Variants in HMGXB3 observed in about 807,000 individuals in gnomAD.
HMGXB3 encodes the protein HMG-box containing 3, also known as HMG domain-containing protein 3.
A neutral mutation model predicts 121.5 loss-of-function variants in HMGXB3; 45 were observed. That is an observed-to-expected ratio of 0.37 (90% confidence interval 0.29 to 0.47). The LOEUF is 0.47. HMGXB3 is among the 20% of genes least tolerant of loss of function. The probability of loss-of-function intolerance (pLI) is 0.99; values close to 1 mark genes in which losing one functional copy is unlikely to be tolerated. For synonymous variants in HMGXB3, 590 were observed against 624.1 expected, an observed-to-expected ratio of 0.95 and a Z score of 0.81; for missense variants, 1,376 against 1,602.2, an observed-to-expected ratio of 0.86 and a Z score of 2.41.
At chr5:150,026,988 T>G in intron 8 of HMGXB3, 32 bp from the exon 9 acceptor site, 2 of 1,547,552 alleles carry the variant, frequency 1.3e-6, no homozygotes, top group Non-Finnish European at 1.7e-6. Flanking sequence ...TGAATGCACT[T>G]AAGTCACCAG....
rs1290525316 is a variant in HMGXB3, at chr5:150,045,996, T to C, written c.2950+311T>C. Among the ~76,000 whole-genome samples the C allele has an allele frequency of 1.1e-4, 16 of 152,186 alleles. No individual in the cohort carries two copies. The South Asian group carries it at 1.2e-3, about 12-fold the overall frequency. On this transcript the variant is annotated intron_variant, in intron 16 of 19. Transcript: ENST00000502717. ...AAGGCTCCATCCCCAAAGGTTTTCA[T>C]TGAGCAAGTGTAGGGGCAGGCCAAG...
intron 6 of HMGXB3, among the ~76,000 whole-genome samples, chr5:150,020,472 G>A (rs1156987252): frequency 6.6e-6 from 1 of 152,226 alleles, no homozygotes; most frequent in African/African-American, 2.4e-5. Flanking sequence ...ATGAAAGACT[G>A]TCAGTGATCA....
chr5:150,041,935 G>A lies in HMGXB3; in HGVS notation c.2696G>A (p.Ser899Asn), dbSNP rs1320702913. The A allele has an allele frequency of 6.4e-7, 1 of 1,551,704 alleles. No individual in the cohort carries two copies. The change falls in exon 15 of 20, where the codon AGT (serine) becomes AAT (asparagine). Residue 899 changes from serine to asparagine, a missense_variant. Coordinates refer to ENST00000502717, the MANE Select transcript of HMGXB3 (RefSeq NM_014983.3). ...CCCAAAGTGGAAATGGCTCAGAGGA[G>A]TGAAGAGAATGTGCTAGCACTGAAG... ...VAPKVEMAQR[S>N]EENVLALKSV...
chr5:150,047,581 A>T, intron 16 of HMGXB3, 43 bp from the exon 17 acceptor site: 1 of 1,549,748 alleles, frequency 6.5e-7, no homozygotes. Flanking sequence ...GCCTCTGGTG[A>T]CTGGCGGCAG....
At chr5:150,035,065 A>G (rs1268846901) in intron 11 of HMGXB3, among the ~76,000 whole-genome samples, 3 of 152,244 alleles carry the variant, frequency 2.0e-5, no homozygotes, top group South Asian at 4.1e-4. Flanking sequence ...GTGGGAGAGA[A>G]AGATAACCAA....
At chr5:150,013,622 T>C (rs1167436195) in intron 5 of HMGXB3, among the ~76,000 whole-genome samples, 1 of 152,204 alleles carries the variant, frequency 6.6e-6, no homozygotes, top group Non-Finnish European at 1.5e-5. Flanking sequence ...GTATTACCAG[T>C]GAAGTCATCT....
In HMGXB3 at chr5:150,036,887, G is replaced by A. The variant is rs77314173; in HGVS notation, c.2235G>A (p.Pro745=). The A allele has an allele frequency of 2.1e-3, 3,264 of 1,551,654 alleles. 58 individuals carry two copies. The South Asian group carries it at 0.033, about 16-fold the overall frequency. ...CTTGGTCGAATTATTATGAGTCTCCGTCCACGCAGTGCCTTCTCTGTAGCA... is the reference window on the plus strand; with the variant it reads ...CTTGGTCGAATTATTATGAGTCTCCATCCACGCAGTGCCTTCTCTGTAGCA... ...QTSWSNYYES[P]STQCLLCSSP... The change falls in exon 12 of 20, where the codon CCG becomes CCA. Residue 745 remains proline, a synonymous_variant. Transcript: ENST00000502717.
chr5:150,026,593 C>A, intron 7 of HMGXB3, 113 bp from the exon 8 acceptor site: 1 of 873,548 alleles, frequency 1.1e-6, no homozygotes, highest in Non-Finnish European at 1.7e-6. Flanking sequence ...CTGTCTAAAG[C>A]TTGACAGTTT....
chr5:150,047,538 T>A (rs1323932138), intron 16 of HMGXB3, 86 bp from the exon 17 acceptor site: 1 of 1,495,908 alleles, frequency 6.7e-7, no homozygotes, highest in Non-Finnish European at 9.0e-7. Context: ...AGAGCTGGCT[T>A]CCACTGTTTG....
At chr5:150,051,183 C>G (rs985106347) in intron 19 of HMGXB3, among the ~76,000 whole-genome samples, 1 of 152,170 alleles carries the variant, frequency 6.6e-6, no homozygotes, top group Non-Finnish European at 1.5e-5. Context: ...GTATATTGTA[C>G]CAGACAGTAT....
chr5:150,041,649 G>T (rs1372830557), intron 14 of HMGXB3, 136 bp from the exon 15 acceptor site: 3 of 660,860 alleles, frequency 4.5e-6, no homozygotes, highest in Non-Finnish European at 7.7e-6. Context: ...TGACCCTCAG[G>T]GTAGGTAGTA....
At position 150,053,019 on chromosome 5, in the gene HMGXB3, C is replaced by G. The variant is rs1258224561; in HGVS notation, c.*827C>G. 6.0e-6 allele frequency: 1 copy of G among 165,744 alleles called. No homozygotes were observed. Among genetic ancestry groups the G allele is most frequent in the African/African-American group, 2.4e-5 (1 of 41,766 alleles). The allele number at this position is 165,744 out of a possible 1,614,324, so 10.3% of individuals were successfully genotyped here. A position where few individuals can be genotyped will look rare whatever the true frequency, so the allele number is the denominator to read the frequency against. On this transcript the variant is annotated 3_prime_UTR_variant, in exon 20 of 20. Transcript: ENST00000502717. ...GAAACAGCAGGACTGGCTCAAGTGC[C>G]CAAGGTTTGTTTAGGGCCTGGGAAT... is the stretch of plus-strand genomic sequence containing the variant.
intron 9 of HMGXB3, among the ~76,000 whole-genome samples, chr5:150,027,572 G>A (rs1284928895): frequency 2.0e-5 from 3 of 150,472 alleles, no homozygotes; most frequent in Non-Finnish European, 4.4e-5. Flanking sequence ...TTTTTTGGTG[G>A]CAGTGTCTCA....
In HMGXB3 at chr5:150,052,377, TC is replaced by T. The variant is rs762262575; in HGVS notation, c.*187del. On this transcript the variant is annotated 3_prime_UTR_variant, in exon 20 of 20. Coordinates refer to ENST00000502717, the MANE Select transcript of HMGXB3 (RefSeq NM_014983.3). ...ACCCAGGGTCCTCAGTTCTCAACCCTCCAGGGGTCAGGAGTGGTACCAGGAA... is the reference window on the plus strand; with the variant it reads ...ACCCAGGGTCCTCAGTTCTCAACCCTCAGGGGTCAGGAGTGGTACCAGGAA... 1.7e-6 allele frequency: 1 copy of T among 597,740 alleles called. No homozygotes were observed. Among genetic ancestry groups the T allele is most frequent in the Non-Finnish European group, 3.0e-6 (1 of 338,012 alleles). 37.0% of individuals were successfully genotyped at this position (597,740 alleles called of 1,614,324 possible).
intron 9 of HMGXB3, among the ~76,000 whole-genome samples, chr5:150,030,134 TTTTC>T (rs140182598): frequency 0.25 from 38,637 of 151,882 alleles, 8,188 homozygotes; most frequent in African/African-American, 0.57. Flanking sequence ...ATGCTTTATC[TTTTC>T]TTTCTTTTTT....
intron 16 of HMGXB3, among the ~76,000 whole-genome samples, chr5:150,046,941 A>G (rs1247445159): frequency 6.8e-6 from 1 of 146,976 alleles, no homozygotes; most frequent in Non-Finnish European, 1.5e-5. Flanking sequence ...GCTGGAGTGC[A>G]GTGTTGTGAT....
chr5:150,018,807 C>A, intron 6 of HMGXB3, 110 bp downstream of exon 6: 2 of 991,056 alleles, frequency 2.0e-6, no homozygotes, highest in Non-Finnish European at 2.9e-6. Context: ...TACTGTCTGA[C>A]TATACAAGTA....
At chr5:150,038,527 G>A (rs183561853) in intron 13 of HMGXB3, among the ~76,000 whole-genome samples, 101 of 152,294 alleles carry the variant, frequency 6.6e-4, no homozygotes, top group African/African-American at 1.3e-3. Context: ...ACTAAGTGGT[G>A]TAACTACCTT....
intron 1 of HMGXB3, among the ~76,000 whole-genome samples, chr5:150,003,697 C>G (rs964304946): frequency 9.2e-5 from 14 of 151,684 alleles, no homozygotes; most frequent in Admixed American, 2.0e-4. Context: ...TGTAATCCCA[C>G]TCATGCCTGT....
Sources: gnomAD v4.1 joint callset for allele counts (sites outside exome capture counted in the v4.1 genomes callset) on GRCh38, gnomAD v4.1.1 for gene constraint, MANE v1.5 for transcripts, NCBI Gene and HGNC (gene_info 2026-07-23, HGNC 2026-07-21) for gene names.